Variants in TRPC5 observed in about 807,000 individuals in gnomAD.
TRPC5 encodes the protein short transient receptor potential channel 5.
A neutral mutation model predicts 56.5 loss-of-function variants in TRPC5; 9 were observed. The observed-to-expected ratio is 0.16, with a 90% confidence interval of 0.10 to 0.28. The LOEUF (loss-of-function observed/expected upper bound fraction) is 0.28, where lower values mean the gene tolerates loss of function less well. TRPC5 is among the 10% of genes least tolerant of loss of function. The pLI, the probability that TRPC5 is intolerant of heterozygous loss-of-function variation, is 1.00. For missense variants in TRPC5, 469 were observed against 748.9 expected (o/e 0.63, Z 4.36); for synonymous variants, 282 against 278.5 (o/e 1.01, Z -0.13).
At chrX:111,949,333 T>C (rs1008644684) in intron 2 of TRPC5, among the ~76,000 whole-genome samples, 2 of 111,800 alleles carry the variant, frequency 1.8e-5, no homozygotes, top group South Asian at 3.7e-4. Flanking sequence ...CAAAGATAAA[T>C]TGCTGGAACT....
At chrX:111,910,203 T>G in intron 3 of TRPC5, among the ~76,000 whole-genome samples, 1 of 112,581 alleles carries the variant, frequency 8.9e-6, no homozygotes, top group East Asian at 2.8e-4. Flanking sequence ...CATTAACCAT[T>G]CTGTCACTTG....
At chrX:111,935,094 T>C (rs778705810) in intron 2 of TRPC5, among the ~76,000 whole-genome samples, 1 of 112,124 alleles carries the variant, frequency 8.9e-6, no homozygotes, top group African/African-American at 3.2e-5. Flanking sequence ...ACCAACAGTG[T>C]ACAAGGGCTC....
intron 1 of TRPC5, among the ~76,000 whole-genome samples, chrX:111,971,909 T>C (rs1344429421): frequency 8.9e-6 from 1 of 111,749 alleles, no homozygotes; most frequent in Non-Finnish European, 1.9e-5. Flanking sequence ...TGAGCCCCCA[T>C]GTAAATAAAG....
At chrX:111,985,238 A>G (rs1928183081) in intron 1 of TRPC5, among the ~76,000 whole-genome samples, 1 of 112,174 alleles carries the variant, frequency 8.9e-6, no homozygotes, top group Non-Finnish European at 1.9e-5. Context: ...CCAGCTGTTG[A>G]GTATATCTAT....
At chrX:111,824,951 G>A (rs1922145195) in intron 7 of TRPC5, among the ~76,000 whole-genome samples, 1 of 111,071 alleles carries the variant, frequency 9.0e-6, no homozygotes, top group South Asian at 3.8e-4. Flanking sequence ...CTGATACCAC[G>A]TCCTCAATTT....
intron 1 of TRPC5, among the ~76,000 whole-genome samples, chrX:112,049,545 A>T (rs1343976488): frequency 3.7e-5 from 4 of 108,027 alleles, no homozygotes; most frequent in East Asian, 5.7e-4. Context: ...ATATATATAT[A>T]TTTTGAAGAG....
intron 3 of TRPC5, among the ~76,000 whole-genome samples, chrX:111,900,601 G>C (rs1925292804): frequency 9.0e-6 from 1 of 111,531 alleles, no homozygotes; most frequent in African/African-American, 3.3e-5. Context: ...AACTAATGTA[G>C]ACCCTGAAGC....
At chrX:111,907,557 G>A (rs984033767) in intron 3 of TRPC5, among the ~76,000 whole-genome samples, 7 of 109,963 alleles carry the variant, frequency 6.4e-5, no homozygotes, top group East Asian at 2.8e-4. Context: ...CCTGGGAGAC[G>A]GAGGTTGCAG....
intron 1 of TRPC5, among the ~76,000 whole-genome samples, chrX:111,967,953 C>T (rs59771230): frequency 2.7e-5 from 3 of 109,189 alleles, no homozygotes; most frequent in Non-Finnish European, 5.7e-5. Context: ...CAATGGCAAC[C>T]AAAGCCAAAA....
chrX:111,838,085 G>T (rs904328901), intron 6 of TRPC5, among the ~76,000 whole-genome samples: 2 of 106,954 alleles, frequency 1.9e-5, no homozygotes, highest in African/African-American at 3.6e-5. Flanking sequence ...CTACATATGA[G>T]TAAATAAATA....
At chrX:111,994,824 A>G (rs987193984) in intron 1 of TRPC5, among the ~76,000 whole-genome samples, 1 of 112,041 alleles carries the variant, frequency 8.9e-6, no homozygotes, top group African/African-American at 3.2e-5. Flanking sequence ...GGGGTTTTCT[A>G]AATATACAAT....
intron 2 of TRPC5, among the ~76,000 whole-genome samples, chrX:111,943,586 G>A (rs770402543): frequency 2.3e-4 from 26 of 112,532 alleles, no homozygotes; most frequent in African/African-American, 8.1e-4. Flanking sequence ...GAGCCCAGAG[G>A]GGCGGGCCAT....
intron 1 of TRPC5, among the ~76,000 whole-genome samples, chrX:111,991,658 A>G (rs1363485600): frequency 1.8e-5 from 2 of 112,347 alleles, no homozygotes; most frequent in Non-Finnish European, 3.8e-5. Flanking sequence ...CATTTTCTAA[A>G]AACCTGGCAG....
intron 1 of TRPC5, among the ~76,000 whole-genome samples, chrX:112,065,549 C>A (rs1400063502): frequency 8.9e-6 from 1 of 112,021 alleles, no homozygotes; most frequent in Non-Finnish European, 1.9e-5. Flanking sequence ...AGTATTATGA[C>A]ATTTCCATAA....
rs1180533105 is a variant in TRPC5, at chrX:111,852,208, CT to C, written c.1377+89del. ...ATGGATTGAGCCATCATCATCATCA[CT>C]TTTTCTCAAAACTCTTTATGCTCTC... On this transcript the variant is annotated intron_variant, in intron 5 of 10. Transcript: ENST00000262839. The C allele has an allele frequency of 5.6e-6, 5 of 893,217 alleles. No individual in the cohort carries two copies. The Admixed American group carries it at 1.2e-4, about 21-fold the overall frequency. The allele number at this position is 893,217 out of a possible 1,213,427, so 73.6% of individuals were successfully genotyped here.
At chrX:111,956,512 C>A (rs747387663) in intron 1 of TRPC5, among the ~76,000 whole-genome samples, 1 of 110,960 alleles carries the variant, frequency 9.0e-6, no homozygotes, top group Admixed American at 9.6e-5. Context: ...TAAAACCATA[C>A]TTCTCCTAGG....
chrX:111,819,334 A>T (rs1265226448), intron 7 of TRPC5, among the ~76,000 whole-genome samples: 1 of 111,561 alleles, frequency 9.0e-6, no homozygotes, highest in Non-Finnish European at 1.9e-5. Flanking sequence ...TGCAGGTCAT[A>T]TACTGCACAA....
At chrX:112,001,623 T>G (rs767429872) in intron 1 of TRPC5, among the ~76,000 whole-genome samples, 1 of 111,214 alleles carries the variant, frequency 9.0e-6, no homozygotes, top group Non-Finnish European at 1.9e-5. Context: ...TAGCCAGGCA[T>G]GTTGGTGCAC....
chrX:112,063,941 A>G (rs866439067), intron 1 of TRPC5, among the ~76,000 whole-genome samples: 9 of 111,363 alleles, frequency 8.1e-5, no homozygotes, highest in Admixed American at 4.8e-4. Flanking sequence ...ACAGGCGCCC[A>G]CCACCACGTC....
Sources: allele counts gnomAD v4.1 joint callset (sites outside exome capture counted in the v4.1 genomes callset), GRCh38; gene constraint gnomAD v4.1.1; transcripts MANE v1.5; gene names NCBI Gene and HGNC (gene_info 2026-07-23, HGNC 2026-07-21).